The following INTS6 variants were observed in gnomAD, a reference collection of about 807,000 sequenced individuals.
The protein encoded by INTS6 is DEAD box protein.
In INTS6, 16 loss-of-function variants were observed where a neutral mutation model predicts 104.9. That is an observed-to-expected ratio of 0.15 (90% CI 0.10 to 0.23). The LOEUF is 0.23. Ranked by LOEUF, INTS6 falls within the 10% of genes least tolerant of loss-of-function variation. INTS6 has a pLI of 1.00. For missense variants in INTS6, 584 were observed against 1,062.8 expected, an observed-to-expected ratio of 0.55 and a Z score of 6.26; for synonymous variants, 324 against 358.7, an observed-to-expected ratio of 0.90 and a Z score of 1.09.
intron 4 of INTS6, among the ~76,000 whole-genome samples, chr13:51,407,746 G>A (rs955539208): frequency 6.6e-6 from 1 of 152,110 alleles, no homozygotes; most frequent in Admixed American, 6.5e-5. Context: ...GAGTGTTTCT[G>A]TACGGTATGG....
rs1255104341 is a variant in INTS6, at chr13:51,363,187, T to G, written c.*2565A>C. 1 of 151,884 alleles carries G rather than the reference T, an allele frequency of 6.6e-6. No homozygotes were observed. The highest frequency in any genetic ancestry group is 2.4e-5 in the African/African-American group (1 of 41,392). 9.4% of individuals were successfully genotyped at this position (151,884 alleles called of 1,614,324 possible). ...ATTTTGGAATTCAAGTGCATAAAAA[T>G]GATGTAAAATCCTTAAACAAGGAAA... On this transcript the variant is annotated 3_prime_UTR_variant, in exon 18 of 18. Coordinates refer to ENST00000311234, the MANE Select transcript of INTS6 (RefSeq NM_012141.3).
At chr13:51,341,475 A>C in the INTS6 span, 2 of 932,198 alleles carry the variant, frequency 2.1e-6, no homozygotes, top group Non-Finnish European at 3.2e-6. Flanking sequence ...ACTCACACTC[A>C]CTCTCTCCAG....
chr13:51,355,204 T>C (rs915393216), intron 3 of INTS6: 19 of 646,074 alleles, frequency 2.9e-5, no homozygotes, highest in Middle Eastern at 2.7e-4. Context: ...TTATCATACT[T>C]TGATTAAGGG....
chr13:51,381,981 G>T (rs558387069), intron 10 of INTS6, 48 bp downstream of exon 10: 2 of 1,273,684 alleles, frequency 1.6e-6, no homozygotes, highest in Non-Finnish European at 2.2e-6. Context: ...GATTACAGGC[G>T]TGAGTCACTG....
intron 6 of INTS6, 93 bp from the exon 7 acceptor site, chr13:51,387,633 A>G (rs776486302): frequency 9.9e-5 from 96 of 967,140 alleles, no homozygotes; most frequent in Non-Finnish European, 1.2e-4. Context: ...TTAAATTAAT[A>G]AAAAATTCCT....
chr13:51,389,089 T>G, intron 6 of INTS6, among the ~76,000 whole-genome samples: 1 of 152,196 alleles, frequency 6.6e-6, no homozygotes, highest in East Asian at 1.9e-4. Flanking sequence ...GGCTTTTGAC[T>G]CATCAAAATG....
In INTS6 at chr13:51,363,471, G is replaced by C. The variant is rs1010825896; in HGVS notation, c.*2281C>G. On this transcript the variant is annotated 3_prime_UTR_variant, in exon 18 of 18. Transcript: ENST00000311234. ...ACAAATCTTACTAAGAGCAACTAAT[G>C]AATCAATCAGCAAATGAGAAACATG... 6.6e-6 allele frequency: 1 copy of C among 151,432 alleles called. No homozygotes were observed. Among genetic ancestry groups the C allele is most frequent in the African/African-American group, 2.4e-5 (1 of 41,214 alleles). 9.4% of individuals were successfully genotyped at this position (151,432 alleles called of 1,614,324 possible).
chr13:51,434,830 G>T (rs1957158324), intron 3 of INTS6, among the ~76,000 whole-genome samples: 1 of 151,928 alleles, frequency 6.6e-6, no homozygotes, highest in African/African-American at 2.4e-5. Flanking sequence ...AGTTTTAGTT[G>T]TCTGCCAGTA....
intron 4 of INTS6, among the ~76,000 whole-genome samples, chr13:51,399,131 G>A (rs1013229653): frequency 6.6e-6 from 1 of 152,132 alleles, no homozygotes; most frequent in African/African-American, 2.4e-5. Context: ...CATTGTAAAG[G>A]TAAGAATCAC....
rs150182244 is a variant in INTS6 at position 51,397,215 on chromosome 13, T to C, written c.430-1732A>G. ...GGGTTGAAGTCATTCTACACTAAAA[T>C]AGACTCAAGTTTCTTCATTGACTTA... On this transcript the variant is annotated intron_variant, in intron 4 of 17. Coordinates refer to ENST00000311234, the MANE Select transcript of INTS6 (RefSeq NM_012141.3). Among the ~76,000 whole-genome samples, 137 of 152,302 alleles carry C rather than the reference T, an allele frequency of 9.0e-4. 1 individual carries two copies. The highest frequency in any genetic ancestry group is 1.5e-3 in the Non-Finnish European group (102 of 68,012).
At chr13:51,352,571 C>G (rs897192762), downstream of INTS6, among the ~76,000 whole-genome samples, 2 of 151,758 alleles carry the variant, frequency 1.3e-5, no homozygotes, top group Non-Finnish European at 1.5e-5. Context: ...AACCTGGATG[C>G]CTTCTATTTC....
chr13:51,422,524 C>A (rs927391335), intron 4 of INTS6, among the ~76,000 whole-genome samples: 3 of 152,182 alleles, frequency 2.0e-5, no homozygotes, highest in African/African-American at 7.2e-5. Context: ...ACCTACCGAA[C>A]CTCTCAGAAT....
chr13:51,350,831 T>C (rs1327685226), downstream of INTS6, among the ~76,000 whole-genome samples: 1 of 152,128 alleles, frequency 6.6e-6, no homozygotes, highest in Non-Finnish European at 1.5e-5. Context: ...CTGATCTATT[T>C]GCTCTCAATA....
At position 51,451,974 on chromosome 13, in the gene INTS6, T is replaced by A; in HGVS notation, c.189+4A>T. ...GAGGAAAGGGGGAGGGCGAGGGCTG[T>A]TACCTTGATAGCATAGGGCGGCTCT... On this transcript the variant is annotated splice_donor_region_variant and intron_variant, in intron 2 of 17. Coordinates refer to ENST00000311234, the MANE Select transcript of INTS6 (RefSeq NM_012141.3). 1 of 1,605,320 alleles carries A rather than the reference T, an allele frequency of 6.2e-7. No homozygotes were observed. The highest frequency in any genetic ancestry group is 8.5e-7 in the Non-Finnish European group (1 of 1,174,694).
At chr13:51,445,397 G>A (rs1031721224) in intron 3 of INTS6, 4 of 152,006 alleles carry the variant, frequency 2.6e-5, no homozygotes, top group African/African-American at 9.7e-5. Context: ...CAGCTTTGAA[G>A]ATTTTTATAA....
At chr13:51,353,013 A>G (rs1955422822), downstream of INTS6, among the ~76,000 whole-genome samples, 1 of 152,076 alleles carries the variant, frequency 6.6e-6, no homozygotes. Flanking sequence ...TTTGTTGAAG[A>G]TTTTGCATCT....
At chr13:51,450,949 T>G in intron 3 of INTS6, 76 bp downstream of exon 3, 4 of 1,395,112 alleles carry the variant, frequency 2.9e-6, no homozygotes, top group Non-Finnish European at 3.7e-6. Context: ...TTTCATGTTA[T>G]GTAGTTTTTG....
At chr13:51,425,693 T>C (rs943432091) in intron 4 of INTS6, among the ~76,000 whole-genome samples, 4 of 152,070 alleles carry the variant, frequency 2.6e-5, no homozygotes, top group Admixed American at 6.6e-5. Context: ...TAGTTTTCCA[T>C]TGCAAAGCAG....
At chr13:51,398,864 T>C (rs1956386157) in intron 4 of INTS6, among the ~76,000 whole-genome samples, 1 of 152,120 alleles carries the variant, frequency 6.6e-6, no homozygotes, top group Admixed American at 6.5e-5. Flanking sequence ...ATGAATAAAC[T>C]AGAACTCTTA....
Sources: gnomAD v4.1 joint callset for allele counts (sites outside exome capture counted in the v4.1 genomes callset) on GRCh38, gnomAD v4.1.1 for gene constraint, MANE v1.5 for transcripts, NCBI Gene and HGNC (gene_info 2026-07-23, HGNC 2026-07-21) for gene names.